FBXL4: variants seen among roughly 807,000 people sequenced by gnomAD.
The protein encoded by FBXL4 is F-box/LRR-repeat protein 4.
A neutral mutation model predicts 58.9 loss-of-function variants in FBXL4; 40 were observed. That is an observed-to-expected ratio of 0.68 (90% CI 0.53 to 0.88). FBXL4 has a LOEUF of 0.88. Ranked by LOEUF, FBXL4 falls within the 40% of genes least tolerant of loss-of-function variation. The pLI is 0.00. For synonymous variants in FBXL4, 263 were observed against 265.5 expected (o/e 0.99, Z 0.09); for missense variants, 676 against 734.4 (o/e 0.92, Z 0.92).
intron 1 of FBXL4, among the ~76,000 whole-genome samples, chr6:98,937,749 CCTT>C (rs1773276868): frequency 6.6e-6 from 1 of 152,172 alleles, no homozygotes; most frequent in South Asian, 2.1e-4. Context: ...CAGTACCAAT[CCTT>C]CTTCCACCAT....
intron 5 of FBXL4, among the ~76,000 whole-genome samples, chr6:98,914,852 T>G (rs1772269716): frequency 6.6e-6 from 1 of 152,186 alleles, no homozygotes; most frequent in African/African-American, 2.4e-5. Context: ...TAAAGGGTAT[T>G]CAATTAGGAA....
chr6:98,920,874 C>A (rs1772557701), intron 4 of FBXL4, among the ~76,000 whole-genome samples: 1 of 151,224 alleles, frequency 6.6e-6, no homozygotes, highest in Non-Finnish European at 1.5e-5. Context: ...GAAAGCTCAA[C>A]TCTTTTAATT....
At chr6:98,887,521 A>T (rs1771080304) in intron 7 of FBXL4, among the ~76,000 whole-genome samples, 1 of 152,230 alleles carries the variant, frequency 6.6e-6, no homozygotes, top group Non-Finnish European at 1.5e-5. Flanking sequence ...GAGAATTTCA[A>T]GTCATAGAAG....
chr6:98,889,352 CT>C (rs1350698566), intron 7 of FBXL4, among the ~76,000 whole-genome samples: 1 of 152,106 alleles, frequency 6.6e-6, no homozygotes, highest in African/African-American at 2.4e-5. Context: ...TTTATTCCCC[CT>C]AGTGTCCTTT....
chr6:98,929,804 G>A (rs1467841234), intron 2 of FBXL4, among the ~76,000 whole-genome samples: 1 of 151,992 alleles, frequency 6.6e-6, no homozygotes, highest in Non-Finnish European at 1.5e-5. Flanking sequence ...ATGAAACCAG[G>A]ACTATAAAAA....
At chr6:98,877,816 T>C (rs866300385) in intron 8 of FBXL4, among the ~76,000 whole-genome samples, 9 of 152,178 alleles carry the variant, frequency 5.9e-5, no homozygotes, top group Non-Finnish European at 1.2e-4. Context: ...ATCAGCATTA[T>C]ATAATAGTGG....
rs1319244776 is a variant in FBXL4, at chr6:98,873,201, CTATAT to C, written c.*1072_*1076del. Reference sequence around the variant, plus strand: ...ACCCTAGCAAGATATATATCTCTCTCTATATAATATATATAATTATATATATGTAT... The same window carrying C: ...ACCCTAGCAAGATATATATCTCTCTCAATATATATAATTATATATATGTAT... On this transcript the variant is annotated 3_prime_UTR_variant, in exon 10 of 10. Coordinates refer to ENST00000369244, the MANE Select transcript of FBXL4 (RefSeq NM_001278716.2). 1 of 147,020 alleles carries C rather than the reference CTATAT, an allele frequency of 6.8e-6. No homozygotes were observed. The highest frequency in any genetic ancestry group is 2.5e-5 in the African/African-American group (1 of 40,298). The allele number at this position is 147,020 out of a possible 1,614,324, so 9.1% of individuals were successfully genotyped here.
chr6:98,874,405 A>C lies in FBXL4; in HGVS notation c.1739T>G (p.Leu580Arg), dbSNP rs757154231. Residue 580 changes from leucine (L) to arginine (R), a missense_variant, in exon 10 of 10, where the codon CTC becomes CGC. Coordinates refer to ENST00000369244, the MANE Select transcript of FBXL4 (RefSeq NM_001278716.2). Reference protein sequence around the residue: ...RMVSPASLRKLLESCKDLSLL... With the variant: ...RMVSPASLRKRLESCKDLSLL... ...AGAAAGATCTTTACAAGATTCCAGG[A>C]GTTTTCTTAAGGATGCCGGACTTAC... is the stretch of plus-strand genomic sequence containing the variant. 3.0e-5 allele frequency: 49 copies of C among 1,610,824 alleles called. No individual in the cohort carries two copies. The highest frequency in any genetic ancestry group is 4.1e-5 in the Non-Finnish European group (48 of 1,179,214).
chr6:98,920,347 T>C (rs1772531700), intron 4 of FBXL4, among the ~76,000 whole-genome samples: 1 of 152,158 alleles, frequency 6.6e-6, no homozygotes, highest in South Asian at 2.1e-4. Context: ...TTCTTGCTTC[T>C]GACTTCTATA....
intron 7 of FBXL4, among the ~76,000 whole-genome samples, chr6:98,891,962 A>C (rs778667772): frequency 2.0e-5 from 3 of 152,012 alleles, no homozygotes; most frequent in Non-Finnish European, 4.4e-5. Flanking sequence ...CTCTGCACTC[A>C]CAAGTTAGGC....
intron 1 of FBXL4, among the ~76,000 whole-genome samples, chr6:98,946,547 C>T (rs544961928): frequency 3.9e-5 from 6 of 152,246 alleles, no homozygotes; most frequent in African/African-American, 1.4e-4. Context: ...GTGCAAGTAC[C>T]ATATGTACCA....
At position 98,926,911 on chromosome 6, in the gene FBXL4, A is replaced by G. The variant is rs774610091; in HGVS notation, c.78T>C (p.Ala26=). 7.2e-5 allele frequency: 116 copies of G among 1,614,018 alleles called. No individual in the cohort carries two copies. The highest frequency in any genetic ancestry group is 9.3e-5 in the Non-Finnish European group (110 of 1,180,014). ...GGGTGTTCATCATTTCTCCTCTTGT[A>G]GCTGTCCTGGCTCGGCGCCGAAGGC... The part of the protein sequence containing the change: ...YICLRRRART[A]TRGEMMNTHR... Residue 26 remains alanine (A), a synonymous_variant, in exon 4 of 10, where the codon GCT becomes GCC. Coordinates refer to ENST00000369244, the MANE Select transcript of FBXL4 (RefSeq NM_001278716.2).
At chr6:98,912,155 T>C (rs1031065321) in intron 5 of FBXL4, among the ~76,000 whole-genome samples, 6 of 152,196 alleles carry the variant, frequency 3.9e-5, no homozygotes, top group Admixed American at 2.6e-4. Context: ...GGACAAAGCC[T>C]CCAAGAAATA....
At chr6:98,922,752 T>G (rs1772630563) in intron 4 of FBXL4, among the ~76,000 whole-genome samples, 2 of 152,194 alleles carry the variant, frequency 1.3e-5, no homozygotes, top group African/African-American at 4.8e-5. Flanking sequence ...AGCTCTTCAC[T>G]GGTTAATTTT....
chr6:98,925,905 T>C (rs1452444825), intron 4 of FBXL4, among the ~76,000 whole-genome samples: 1 of 152,192 alleles, frequency 6.6e-6, no homozygotes, highest in East Asian at 1.9e-4. Context: ...TATATTAATA[T>C]TTTGTAAAAT....
intron 5 of FBXL4, among the ~76,000 whole-genome samples, chr6:98,906,694 G>A (rs1771829235): frequency 6.6e-6 from 1 of 152,078 alleles, no homozygotes; most frequent in Admixed American, 6.5e-5. Flanking sequence ...CCCAGTAATG[G>A]GATTGCTGGG....
chr6:98,875,217 C>A, intron 9 of FBXL4, 198 bp downstream of exon 9: 1 of 599,872 alleles, frequency 1.7e-6, no homozygotes, highest in South Asian at 1.9e-5. Context: ...ATTGTCCTCA[C>A]TATTTTATTA....
intron 4 of FBXL4, among the ~76,000 whole-genome samples, chr6:98,918,049 T>C (rs1772437589): frequency 6.6e-6 from 1 of 152,172 alleles, no homozygotes; most frequent in Admixed American, 6.6e-5. Context: ...CACACAAAGA[T>C]GAAGCTCCCT....
In FBXL4 at chr6:98,898,434, G is replaced by A. The variant is rs1169980028; in HGVS notation, c.1317+834C>T. ...ATGCACAGGCTCATGGTGAAACCCC[G>A]TCTCTACTAAAAATACAAAAATTAG... On this transcript the variant is annotated intron_variant, in intron 7 of 9. Coordinates refer to ENST00000369244, the MANE Select transcript of FBXL4 (RefSeq NM_001278716.2). 27 of 984,932 alleles carry A rather than the reference G, an allele frequency of 2.7e-5. No individual in the cohort carries two copies. In the African/African-American group the frequency reaches 3.2e-4, roughly 11 times the overall value. The allele number at this position is 984,932 out of a possible 1,614,324, so 61.0% of individuals were successfully genotyped here.
Sources: gnomAD v4.1 joint callset for allele counts (sites outside exome capture counted in the v4.1 genomes callset) on GRCh38, gnomAD v4.1.1 for gene constraint, MANE v1.5 for transcripts, NCBI Gene and HGNC (gene_info 2026-07-23, HGNC 2026-07-21) for gene names.